The following CCPG1 variants were observed in gnomAD, a reference collection of about 807,000 sequenced individuals.
CCPG1 encodes the protein cell cycle progression protein 1.
A neutral mutation model predicts 81.3 loss-of-function variants in CCPG1; 46 were observed. The ratio of observed to expected loss-of-function variants is 0.57; its 90% CI spans 0.45 to 0.72. The LOEUF (loss-of-function observed/expected upper bound fraction) is 0.72. Ranked by LOEUF, CCPG1 falls within the 30% of genes least tolerant of loss-of-function variation. The pLI is 0.00. For missense variants in CCPG1, 902 were observed against 937.6 expected (o/e 0.96, Z 0.50); for synonymous variants, 330 against 305.2 (o/e 1.08, Z -0.85).
chr15:55,378,380 A>G lies in CCPG1; in HGVS notation c.176-4T>C, dbSNP rs2056609597. Reference sequence around the variant, plus strand: ...ACTGTGCCATTTTGGCTGCTTTCTGATATAAAGCAAAGATCAATATAATTA... The same window carrying G: ...ACTGTGCCATTTTGGCTGCTTTCTGGTATAAAGCAAAGATCAATATAATTA... On this transcript the variant is annotated splice_polypyrimidine_tract_variant and splice_region_variant and intron_variant, in intron 3 of 8. Coordinates refer to ENST00000442196, the MANE Select transcript of CCPG1 (RefSeq NM_001204450.2). 6.3e-7 allele frequency: 1 copy of G among 1,582,148 alleles called. No homozygotes were observed. The highest frequency in any genetic ancestry group is 1.3e-5 in the African/African-American group (1 of 74,250).
chr15:55,377,941 T>C (rs16976314), intron 4 of CCPG1, among the ~76,000 whole-genome samples: 27,149 of 152,144 alleles, frequency 0.18, 4,210 homozygotes, highest in African/African-American at 0.42. Flanking sequence ...AAAATGATCA[T>C]CTAGCTATCT....
At position 55,365,304 on chromosome 15, in the gene CCPG1, T is replaced by C. The variant is rs572224866; in HGVS notation, c.712A>G (p.Ile238Val). Residue 238 changes from isoleucine to valine, a missense_variant, in exon 7 of 9, where the codon ATT (isoleucine) becomes GTT (valine). Around this residue, in one of 3 missense-constraint regions of CCPG1, gnomAD observed 746 missense variants for 728.6 expected, o/e 1.02. Coordinates refer to ENST00000442196, the MANE Select transcript of CCPG1 (RefSeq NM_001204450.2). ...AACTGTTGACGCTTCTGAATCTGAA[T>C]TGTGCCTAAAATAAATATTTTTATT... is the stretch of plus-strand genomic sequence containing the variant. The part of the protein sequence containing the change: ...SMGFGHFYGT[I>V]QIQKRQQLVR... 16 of 1,518,060 alleles carry C rather than the reference T, an allele frequency of 1.1e-5. No homozygotes were observed. The Admixed American group carries it at 1.8e-4, about 17-fold the overall frequency. The allele number at this position is 1,518,060 out of a possible 1,614,324, so 94.0% of individuals were successfully genotyped here. A position where few individuals can be genotyped will look rare whatever the true frequency, so the allele number is the denominator to read the frequency against.
intron 2 of CCPG1, among the ~76,000 whole-genome samples, chr15:55,387,740 C>A (rs1226970149): frequency 6.6e-6 from 1 of 151,312 alleles, no homozygotes; most frequent in Non-Finnish European, 1.5e-5. Flanking sequence ...GACCGGGTTT[C>A]TTCCATGTTG....
intron 5 of CCPG1, among the ~76,000 whole-genome samples, chr15:55,375,511 TAA>T (rs1427094079): frequency 1.3e-5 from 2 of 151,964 alleles, no homozygotes; most frequent in African/African-American, 4.8e-5. Context: ...CCTCCATAAA[TAA>T]AGATACTATG....
chr15:55,360,228 T>TA lies in CCPG1; in HGVS notation c.1544_1545insT (p.Lys515AsnfsTer16). ...TTTTCAGATTTTCCTTCACAGCTTC[T>TA]TTAGCCTGCTTAATTTTCTCTTTAT... On this transcript the variant is annotated frameshift_variant, in exon 8 of 9. Transcript: ENST00000442196. LOFTEE classifies it high-confidence loss of function. 1 of 1,613,978 alleles carries TA rather than the reference T, an allele frequency of 6.2e-7. No homozygotes were observed. The highest frequency in any genetic ancestry group is 8.5e-7 in the Non-Finnish European group (1 of 1,179,988).
At chr15:55,361,091 A>T in intron 7 of CCPG1, 147 bp from the exon 8 acceptor site, 1 of 833,540 alleles carries the variant, frequency 1.2e-6, no homozygotes, top group Non-Finnish European at 1.7e-6. Context: ...TAGTATAAAC[A>T]TTGGGAAATA....
At position 55,365,426 on chromosome 15, in the gene CCPG1, T is replaced by G. The variant is rs529799638; in HGVS notation, c.707-117A>C. On this transcript the variant is annotated intron_variant, in intron 6 of 8. Transcript: ENST00000442196. ...CTATGTAGTCTTTTTTTTGTTTTTT[T>G]TTTTTGTTTTTTTTTTGTTTTTTGA... 398 of 641,828 alleles carry G rather than the reference T, an allele frequency of 6.2e-4. 2 individuals carry two copies. Among genetic ancestry groups the G allele is most frequent in the East Asian group, 5.8e-4 (18 of 31,234 alleles). The allele number at this position is 641,828 out of a possible 1,614,324, so 39.8% of individuals were successfully genotyped here.
At chr15:55,389,603 G>C (rs1187375440) in intron 1 of CCPG1, among the ~76,000 whole-genome samples, 170 bp from the exon 2 acceptor site, 1 of 152,162 alleles carries the variant, frequency 6.6e-6, no homozygotes, top group Non-Finnish European at 1.5e-5. Flanking sequence ...ATACCTGTAT[G>C]AACAGATAGA....
chr15:55,380,505 C>T (rs13329586), intron 3 of CCPG1, among the ~76,000 whole-genome samples: 26,911 of 151,270 alleles, frequency 0.18, 4,148 homozygotes, highest in African/African-American at 0.42. Context: ...CCGTGTTAGC[C>T]AGGATGGTCT....
chr15:55,356,494 T>A (rs974986033), intron 8 of CCPG1, 85 bp from the exon 9 acceptor site: 21 of 1,320,120 alleles, frequency 1.6e-5, no homozygotes, highest in Non-Finnish European at 1.9e-5. Context: ...TCTCCATTAA[T>A]CTATGATCTG....
At chr15:55,356,860 C>A in intron 8 of CCPG1, 1 of 986,676 alleles carries the variant, frequency 1.0e-6, no homozygotes, top group Non-Finnish European at 1.2e-6. Context: ...TGTCTATGAT[C>A]AGGCTTCCGT....
intron 5 of CCPG1, among the ~76,000 whole-genome samples, chr15:55,375,401 G>T (rs1210397839): frequency 2.0e-5 from 3 of 152,006 alleles, no homozygotes; most frequent in Non-Finnish European, 4.4e-5. Context: ...AAGGAAGCGG[G>T]GGTGGGGAAA....
chr15:55,367,797 T>C (rs998864986), intron 6 of CCPG1, among the ~76,000 whole-genome samples: 3 of 152,176 alleles, frequency 2.0e-5, no homozygotes, highest in African/African-American at 7.2e-5. Flanking sequence ...ATTTAATAAA[T>C]TGCCATTATT....
intron 2 of CCPG1, among the ~76,000 whole-genome samples, chr15:55,388,108 G>A (rs1331490288): frequency 1.1e-4 from 17 of 151,814 alleles, no homozygotes; most frequent in Non-Finnish European, 2.5e-4. Flanking sequence ...CCGAGATTGC[G>A]TCACTGTACA....
At chr15:55,382,115 C>A (rs2056710374) in intron 3 of CCPG1, among the ~76,000 whole-genome samples, 1 of 152,210 alleles carries the variant, frequency 6.6e-6, no homozygotes, top group African/African-American at 2.4e-5. Context: ...AAGATGATGG[C>A]TGCTGACTGA....
chr15:55,374,591 C>T (rs1566972377), intron 5 of CCPG1, among the ~76,000 whole-genome samples: 1 of 152,128 alleles, frequency 6.6e-6, no homozygotes, highest in Non-Finnish European at 1.5e-5. Context: ...TAAGCAATGG[C>T]TAGCACAAAA....
chr15:55,395,849 T>C (rs981169836), intron 1 of CCPG1, among the ~76,000 whole-genome samples: 2 of 152,162 alleles, frequency 1.3e-5, no homozygotes, highest in African/African-American at 2.4e-5. Flanking sequence ...GTGCAGTTAA[T>C]TGTTCTTTAC....
At position 55,355,378 on chromosome 15, in the gene CCPG1, A is replaced by G. The variant is rs2056056414; in HGVS notation, c.*842T>C. The G allele has an allele frequency of 6.2e-7, 1 of 1,612,024 alleles. No individual in the cohort carries two copies. Among genetic ancestry groups the G allele is most frequent in the South Asian group, 1.1e-5 (1 of 90,952 alleles). Reference sequence around the variant, plus strand: ...CAGAGGGTCGAATTGGAAGTCACATATATGTCTATGAACGGAAGTTAAAAG... The same window carrying G: ...CAGAGGGTCGAATTGGAAGTCACATGTATGTCTATGAACGGAAGTTAAAAG... On this transcript the variant is annotated 3_prime_UTR_variant, in exon 9 of 9. Transcript: ENST00000442196.
At chr15:55,387,802 T>G (rs2056831293) in intron 2 of CCPG1, among the ~76,000 whole-genome samples, 1 of 135,206 alleles carries the variant, frequency 7.4e-6, no homozygotes, top group African/African-American at 2.7e-5. Context: ...GACCTCGGCC[T>G]CCCAAAGTGC....
Sources: gnomAD v4.1 joint callset for allele counts (sites outside exome capture counted in the v4.1 genomes callset) on GRCh38, gnomAD v4.1.1 for gene constraint, gnomAD v4.1.1 regional missense constraint, MANE v1.5 for transcripts, NCBI Gene and HGNC (gene_info 2026-07-23, HGNC 2026-07-21) for gene names.